Variants in SLC35F4 observed in about 807,000 individuals in gnomAD.
SLC35F4 encodes the protein chromosome 14 open reading frame 36.
In SLC35F4, 24 loss-of-function variants were observed where a neutral mutation model predicts 44.2. The observed-to-expected ratio is 0.54, with a 90% confidence interval of 0.39 to 0.76. The LOEUF is 0.76. Among genes scored for constraint, SLC35F4 ranks in the 30% least tolerant of loss-of-function variants. The pLI is 0.00. For synonymous variants in SLC35F4, 238 were observed against 223.6 expected (o/e 1.06, Z -0.57); for missense variants, 562 against 586.1 (o/e 0.96, Z 0.42).
intron 1 of SLC35F4, among the ~76,000 whole-genome samples, chr14:57,905,454 G>A (rs769366581): frequency 6.6e-6 from 1 of 152,210 alleles, no homozygotes; most frequent in Non-Finnish European, 1.5e-5. Flanking sequence ...AATACCAGGA[G>A]GTCAGGATCT....
Position 57,652,850 on chromosome 14 carries a change from G to A in SLC35F4, c.104-58726C>T, listed in dbSNP as rs539074653. Among the ~76,000 whole-genome samples the A allele has an allele frequency of 6.6e-5, 10 of 152,332 alleles. No individual in the cohort carries two copies. In the South Asian group the frequency reaches 1.7e-3, roughly 25 times the overall value. ...GAAGTATAAGTGTGAGAGGAAGAGG[G>A]AGATGATTTGTGGATATTGAACCAA... On this transcript the variant is annotated intron_variant, in intron 1 of 7. Transcript: ENST00000556826.
chr14:57,600,015 A>G (rs1452494978), intron 1 of SLC35F4, among the ~76,000 whole-genome samples: 1 of 152,126 alleles, frequency 6.6e-6, no homozygotes. Flanking sequence ...GACCCCAGAG[A>G]AAGTTGGGTG....
At chr14:57,704,157 T>C (rs1332883536) in intron 1 of SLC35F4, among the ~76,000 whole-genome samples, 1 of 152,234 alleles carries the variant, frequency 6.6e-6, no homozygotes, top group Non-Finnish European at 1.5e-5. Context: ...AAAATTTTAT[T>C]GCTTGACCTT....
intron 1 of SLC35F4, among the ~76,000 whole-genome samples, chr14:57,809,864 G>A (rs1411927005): frequency 1.3e-5 from 2 of 152,190 alleles, no homozygotes; most frequent in Non-Finnish European, 1.5e-5. Context: ...AATTTAATGA[G>A]TTTTCTCTTT....
intron 1 of SLC35F4, among the ~76,000 whole-genome samples, chr14:57,885,798 T>C (rs762678035): frequency 6.6e-5 from 10 of 152,186 alleles, no homozygotes; most frequent in African/African-American, 1.2e-4. Flanking sequence ...TATGCAGTCT[T>C]CATACTGCTG....
chr14:57,943,424 T>C (rs1889951066), intron 1 of SLC35F4, among the ~76,000 whole-genome samples: 1 of 152,246 alleles, frequency 6.6e-6, no homozygotes, highest in East Asian at 1.9e-4. Context: ...CACAAATGTC[T>C]ACGCTTTCCA....
intron 1 of SLC35F4, among the ~76,000 whole-genome samples, chr14:57,649,502 C>T (rs534840308): frequency 6.6e-6 from 1 of 152,256 alleles, no homozygotes; most frequent in South Asian, 2.1e-4. Context: ...ACCTTGGGCA[C>T]ATGCAGATAA....
intron 1 of SLC35F4, among the ~76,000 whole-genome samples, chr14:57,865,077 C>CT (rs1888016233): frequency 6.6e-6 from 1 of 151,808 alleles, no homozygotes; most frequent in African/African-American, 2.4e-5. Context: ...CCCCACGCCC[C>CT]CAGTCTTTTG....
intron 1 of SLC35F4, among the ~76,000 whole-genome samples, chr14:57,733,896 A>G (rs1355716018): frequency 3.3e-5 from 5 of 152,156 alleles, no homozygotes; most frequent in Admixed American, 3.3e-4. Context: ...TGGCTTCCAT[A>G]TGTATTTTAT....
At position 57,657,647 on chromosome 14, in the gene SLC35F4, T is replaced by C. The variant is rs138549509; in HGVS notation, c.104-63523A>G. On this transcript the variant is annotated intron_variant, in intron 1 of 7. Coordinates refer to ENST00000556826, the MANE Select transcript of SLC35F4 (RefSeq NM_001306087.2). ...CTGTGCAGCTGTAGAAAGTTTATAC[T>C]ATGAGGTGAGGCAGATGGTTATTCT... Among the ~76,000 whole-genome samples, 11 of 152,248 alleles carry C rather than the reference T, an allele frequency of 7.2e-5. No homozygotes were observed. In the East Asian group the frequency reaches 1.7e-3, roughly 24 times the overall value.
intron 1 of SLC35F4, among the ~76,000 whole-genome samples, chr14:57,862,114 A>C (rs1256909498): frequency 6.6e-6 from 1 of 152,016 alleles, no homozygotes; most frequent in Non-Finnish European, 1.5e-5. Flanking sequence ...GAAACCTTCC[A>C]CACTTCAGCT....
rs1389613311 is a variant in SLC35F4, at chr14:57,865,745, A to G, written c.81T>C (p.Tyr27=). The change falls in exon 1 of 8, where the codon TAT becomes TAC. Residue 27 remains tyrosine (Y), a synonymous_variant. Coordinates refer to ENST00000556826, the MANE Select transcript of SLC35F4 (RefSeq NM_001306087.2). ...TACTTTTCTGGCTGGAGTAACCTGG[A>G]TAATAGCCATAGTAGCCGGTGATCC... ...ILRITGYYGY[Y]PGYSSQKSTS... is the part of the protein sequence containing the mutation. 2.0e-6 allele frequency: 3 copies of G among 1,523,454 alleles called. No homozygotes were observed. Among genetic ancestry groups the G allele is most frequent in the Admixed American group, 4.0e-5 (2 of 49,486 alleles). The allele number at this position is 1,523,454 out of a possible 1,614,324, so 94.4% of individuals were successfully genotyped here.
At chr14:57,569,657 A>T in intron 6 of SLC35F4, 131 bp downstream of exon 6, 8 of 1,068,294 alleles carry the variant, frequency 7.5e-6, no homozygotes, top group Non-Finnish European at 1.0e-5. Flanking sequence ...AACATGACCA[A>T]CGACATTGAA....
intron 1 of SLC35F4, among the ~76,000 whole-genome samples, chr14:57,809,075 C>T (rs1881675070): frequency 1.3e-5 from 2 of 152,146 alleles, no homozygotes; most frequent in Admixed American, 6.5e-5. Context: ...TATGCACCCC[C>T]ACACGTTTTT....
intron 1 of SLC35F4, among the ~76,000 whole-genome samples, chr14:57,926,847 G>A (rs780774898): frequency 2.0e-5 from 3 of 152,078 alleles, no homozygotes; most frequent in Non-Finnish European, 2.9e-5. Flanking sequence ...GTTTCCAAAA[G>A]ATGTGCCCAA....
chr14:57,855,172 T>A (rs1886963032), intron 1 of SLC35F4, among the ~76,000 whole-genome samples: 1 of 152,154 alleles, frequency 6.6e-6, no homozygotes, highest in South Asian at 2.1e-4. Context: ...GAGGCAACTA[T>A]TATCATTCCC....
chr14:57,663,234 G>A (rs754841721), intron 1 of SLC35F4, among the ~76,000 whole-genome samples: 6 of 152,098 alleles, frequency 3.9e-5, no homozygotes, highest in Non-Finnish European at 5.9e-5. Context: ...TGTTAGTAAC[G>A]AAGTTACATA....
At chr14:57,567,367 A>G (rs1156681544) in intron 6 of SLC35F4, among the ~76,000 whole-genome samples, 1 of 152,186 alleles carries the variant, frequency 6.6e-6, no homozygotes, top group Non-Finnish European at 1.5e-5. Flanking sequence ...ACAATTGTAA[A>G]ATGTCCTCAA....
intron 1 of SLC35F4, among the ~76,000 whole-genome samples, chr14:57,801,710 C>A (rs1425563576): frequency 1.3e-5 from 2 of 151,978 alleles, no homozygotes; most frequent in Non-Finnish European, 1.5e-5. Flanking sequence ...AGACATTAAA[C>A]CAATAAAAGA....
Sources: allele counts gnomAD v4.1 joint callset (sites outside exome capture counted in the v4.1 genomes callset), GRCh38; gene constraint gnomAD v4.1.1; transcripts MANE v1.5; gene names NCBI Gene and HGNC (gene_info 2026-07-23, HGNC 2026-07-21).